Variants in PIGN observed in about 807,000 individuals in gnomAD.
PIGN encodes phosphatidylinositol glycan anchor biosynthesis class N.
In PIGN, 117 loss-of-function variants were observed where a neutral mutation model predicts 125.4. The ratio of observed to expected loss-of-function variants is 0.93; its 90% CI spans 0.80 to 1.09. The LOEUF (loss-of-function observed/expected upper bound fraction) is 1.09, where lower values mean the gene tolerates loss of function less well. Ranked by LOEUF, PIGN falls within the 50% of genes least tolerant of loss-of-function variation. The pLI, the probability that PIGN is intolerant of heterozygous loss-of-function variation, is 0.00. For missense variants in PIGN, 1,075 were observed against 1,094.9 expected (o/e 0.98, Z 0.26); for synonymous variants, 392 against 377.8 (o/e 1.04, Z -0.44).
At chr18:62,159,637 G>C (rs985542888) in intron 4 of PIGN, among the ~76,000 whole-genome samples, 32 of 152,018 alleles carry the variant, frequency 2.1e-4, no homozygotes, top group African/African-American at 7.0e-4. Context: ...CCTTCAATAT[G>C]TTATGCATCT....
intron 28 of PIGN, among the ~76,000 whole-genome samples, chr18:62,077,673 G>A (rs961222348): frequency 6.6e-6 from 1 of 152,092 alleles, no homozygotes. Flanking sequence ...CTGACATATG[G>A]TATCTGCCTA....
At chr18:62,182,290 G>A (rs370259135) in intron 1 of PIGN, among the ~76,000 whole-genome samples, 3 of 151,708 alleles carry the variant, frequency 2.0e-5, no homozygotes, top group East Asian at 2.0e-4. Flanking sequence ...TATGTAACTC[G>A]AACCTTTATA....
At chr18:62,035,233 A>T (rs544252814) in intron 23 of PIGN, among the ~76,000 whole-genome samples, 20 of 152,310 alleles carry the variant, frequency 1.3e-4, no homozygotes, top group Admixed American at 5.2e-4. Context: ...CTCCTTTTGT[A>T]AATTACCCAG....
At chr18:62,134,295 G>A (rs1040680666) in intron 14 of PIGN, among the ~76,000 whole-genome samples, 5 of 152,156 alleles carry the variant, frequency 3.3e-5, no homozygotes, top group African/African-American at 1.2e-4. Flanking sequence ...GGAGACTGAG[G>A]CAGGAGAATT....
intron 1 of PIGN, among the ~76,000 whole-genome samples, chr18:62,185,943 G>A (rs1366890986): frequency 1.3e-5 from 2 of 151,856 alleles, no homozygotes; most frequent in Admixed American, 6.6e-5. Context: ...TAGCCTGCAT[G>A]AACGAGTCAG....
chr18:62,138,034 C>A, intron 14 of PIGN: 1 of 610,922 alleles, frequency 1.6e-6, no homozygotes, highest in Non-Finnish European at 2.7e-6. Flanking sequence ...TCTCCATTCC[C>A]TCATCCCTCT....
chr18:62,127,867 G>T (rs958711817), intron 14 of PIGN, among the ~76,000 whole-genome samples: 1 of 151,816 alleles, frequency 6.6e-6, no homozygotes, highest in Non-Finnish European at 1.5e-5. Flanking sequence ...AATTATCCAG[G>T]CCATAATAAA....
rs761738355 is a variant in PIGN, at chr18:62,043,253, C to T, written c.*2603G>A. 1.3e-5 allele frequency: 2 copies of T among 152,206 alleles called. No individual in the cohort carries two copies. Among genetic ancestry groups the T allele is most frequent in the African/African-American group, 4.8e-5 (2 of 41,438 alleles). 9.4% of individuals were successfully genotyped at this position (152,206 alleles called of 1,614,324 possible). On this transcript the variant is annotated 3_prime_UTR_variant, in exon 31 of 31. Coordinates refer to ENST00000640252, the MANE Select transcript of PIGN (RefSeq NM_176787.5). ...GGAGCTCACCAGGTTCTCCCAAGGA[C>T]AGGGTGGCCCTGCAACAGCTACGCC...
chr18:62,114,556 C>T lies in PIGN; in HGVS notation c.1251+5G>A. 2.0e-6 allele frequency: 3 copies of T among 1,484,262 alleles called. No homozygotes were observed. Among genetic ancestry groups the T allele is most frequent in the South Asian group, 1.2e-5 (1 of 82,742 alleles). The allele number at this position is 1,484,262 out of a possible 1,614,324, so 91.9% of individuals were successfully genotyped here. A position where few individuals can be genotyped will look rare whatever the true frequency, so the allele number is the denominator to read the frequency against. On this transcript the variant is annotated splice_donor_5th_base_variant and intron_variant, in intron 15 of 30. Coordinates refer to ENST00000640252, the MANE Select transcript of PIGN (RefSeq NM_176787.5). ...TATTTATGTCTATAAGGCCGGTATA[C>T]TTACCACTTCATCAAACTTTCTGTG...
chr18:62,044,888 T>C lies in PIGN; in HGVS notation c.*968A>G, dbSNP rs905582048. On this transcript the variant is annotated 3_prime_UTR_variant, in exon 31 of 31. Coordinates refer to ENST00000640252, the MANE Select transcript of PIGN (RefSeq NM_176787.5). ...ACTGCTCTCAAGATATTTTGCCCAT[T>C]AGAATTTGTTTACAAATGGAAATCT... 3.3e-5 allele frequency: 5 copies of C among 152,206 alleles called. No individual in the cohort carries two copies. The highest frequency in any genetic ancestry group is 1.2e-4 in the African/African-American group (5 of 41,456). The allele number at this position is 152,206 out of a possible 1,614,324, so 9.4% of individuals were successfully genotyped here. A position where few individuals can be genotyped will look rare whatever the true frequency, so the allele number is the denominator to read the frequency against.
rs1358106061 is a variant in PIGN, at chr18:62,154,637, G to A, written c.457C>T (p.His153Tyr). Residue 153 changes from histidine (H) to tyrosine (Y), a missense_variant, in exon 7 of 31, where the codon CAC becomes TAC. Physicochemically the swap from His to Tyr is moderately conservative, Grantham distance 83. This residue lies in a region of PIGN where 915 missense variants were observed against 908.7 expected (regional missense o/e 1.01). Transcript: ENST00000640252. ...GCATCATAACTATATGTATAAACGT[G>A]GTCTCCACTAGCACCTGAAAAGAAA... ...PMFAKGASGD[H>Y]VYTYSYDAKR... is the part of the protein sequence containing the mutation. 1 of 1,518,468 alleles carries A rather than the reference G, an allele frequency of 6.6e-7. No individual in the cohort carries two copies. The highest frequency in any genetic ancestry group is 9.1e-7 in the Non-Finnish European group (1 of 1,097,854). 94.1% of individuals were successfully genotyped at this position (1,518,468 alleles called of 1,614,324 possible). A position where few individuals can be genotyped will look rare whatever the true frequency, so the allele number is the denominator to read the frequency against.
intron 22 of PIGN, among the ~76,000 whole-genome samples, chr18:62,097,516 C>T (rs1375290507): frequency 1.3e-5 from 2 of 150,608 alleles, no homozygotes; most frequent in Non-Finnish European, 3.0e-5. Flanking sequence ...GTCAGTGTGG[C>T]GATTCCTCAG....
Position 62,105,602 on chromosome 18 carries a change from CAA to C in PIGN, c.1798_1799del (p.Leu600AlafsTer44). The C allele has an allele frequency of 6.4e-7, 1 of 1,554,594 alleles. No homozygotes were observed. The highest frequency in any genetic ancestry group is 8.7e-7 in the Non-Finnish European group (1 of 1,148,552). ...GCATCAGTGGGAACACTGCCAGGAG[CAA>C]AGAGAAGAAAGTCCAACTCAGTGAG... ...MTSLSWTFFS[L>X]LLAVFPLMPV... On this transcript the variant is annotated frameshift_variant, in exon 20 of 31. Transcript: ENST00000640252. LOFTEE classifies it high-confidence loss of function.
chr18:62,114,549 C>T lies in PIGN; in HGVS notation c.1251+12G>A, dbSNP rs1250760771. On this transcript the variant is annotated intron_variant, in intron 15 of 30. Transcript: ENST00000640252. ...AATCAGCTATTTATGTCTATAAGGC[C>T]GGTATACTTACCACTTCATCAAACT... is the stretch of plus-strand genomic sequence containing the variant. 1.3e-5 allele frequency: 19 copies of T among 1,444,532 alleles called. No homozygotes were observed. The Admixed American group carries it at 2.4e-4, about 18-fold the overall frequency. 89.5% of individuals were successfully genotyped at this position (1,444,532 alleles called of 1,614,324 possible). A position where few individuals can be genotyped will look rare whatever the true frequency, so the allele number is the denominator to read the frequency against.
chr18:62,169,596 T>C (rs144468497), intron 1 of PIGN, among the ~76,000 whole-genome samples: 18 of 152,110 alleles, frequency 1.2e-4, no homozygotes, highest in African/African-American at 4.1e-4. Context: ...ATAAAATGGC[T>C]AGGTCAAATT....
intron 23 of PIGN, among the ~76,000 whole-genome samples, chr18:62,021,630 G>T (rs961589614): frequency 1.3e-5 from 2 of 152,202 alleles, no homozygotes; most frequent in African/African-American, 4.8e-5. Flanking sequence ...CTGGAGACAG[G>T]TGCCCCCACC....
chr18:62,031,643 G>A (rs8093819), intron 23 of PIGN, among the ~76,000 whole-genome samples: 32,392 of 152,054 alleles, frequency 0.21, 3,768 homozygotes, highest in East Asian at 0.31. Context: ...GGCACAGCCC[G>A]GATTTTGCCT....
At position 62,148,362 on chromosome 18, in the gene PIGN, A is replaced by G. The variant is rs144292549; in HGVS notation, c.550-24T>C. 482 of 1,407,292 alleles carry G rather than the reference A, an allele frequency of 3.4e-4. 4 individuals carry two copies. In the East Asian group the frequency reaches 5.6e-3, roughly 16 times the overall value. 87.2% of individuals were successfully genotyped at this position (1,407,292 alleles called of 1,614,324 possible). A position where few individuals can be genotyped will look rare whatever the true frequency, so the allele number is the denominator to read the frequency against. On this transcript the variant is annotated intron_variant, in intron 7 of 30. Transcript: ENST00000640252. ...TCCTACATATAACAAATGAGTTAAAAATATTTAGTTCATTTGTTTTATTTT... is the reference window on the plus strand; with the variant it reads ...TCCTACATATAACAAATGAGTTAAAGATATTTAGTTCATTTGTTTTATTTT...
Position 62,157,172 on chromosome 18 carries a change from T to A in PIGN, c.399A>T (p.Thr133=), listed in dbSNP as rs1236278615. 1 of 1,610,240 alleles carries A rather than the reference T, an allele frequency of 6.2e-7. No homozygotes were observed. Among genetic ancestry groups the A allele is most frequent in the African/African-American group, 1.3e-5 (1 of 75,002 alleles). Residue 133 remains threonine (T), a synonymous_variant, in exon 6 of 31, where the codon ACA becomes ACT. Coordinates refer to ENST00000640252, the MANE Select transcript of PIGN (RefSeq NM_176787.5). ...FDSLFNESKY[T]WSWGSPDILP... is the part of the protein sequence containing the mutation. ...GGATATCTGGGCTTCCCCAGCTCCA[T>A]GTGTATTTACTTTCATTAAAAAGAG...
Sources: allele counts gnomAD v4.1 joint callset (sites outside exome capture counted in the v4.1 genomes callset), GRCh38; gene constraint gnomAD v4.1.1; regional missense constraint gnomAD v4.1.1; transcripts MANE v1.5; gene names NCBI Gene and HGNC (gene_info 2026-07-23, HGNC 2026-07-21).